The following FBXL13 variants were observed in gnomAD, a reference collection of about 807,000 sequenced individuals.
FBXL13 encodes F-box and leucine rich repeat protein 13, also known as F-box and leucine-rich repeat protein 13.
In FBXL13, 67 loss-of-function variants were observed where a neutral mutation model predicts 83.6. The observed-to-expected ratio is 0.80, with a 90% CI of 0.66 to 0.98. The LOEUF (loss-of-function observed/expected upper bound fraction) is 0.98. Ranked by LOEUF, FBXL13 falls within the 50% of genes least tolerant of loss-of-function variation. The pLI is 0.00. For missense variants in FBXL13, 822 were observed against 866.5 expected (o/e 0.95, Z 0.64); for synonymous variants, 272 against 299.5 (o/e 0.91, Z 0.95).
At chr7:103,066,753 A>G (rs1798430780) in intron 1 of FBXL13, among the ~76,000 whole-genome samples, 1 of 151,110 alleles carries the variant, frequency 6.6e-6, no homozygotes, top group Non-Finnish European at 1.5e-5. Flanking sequence ...TTGAAATGCA[A>G]TTGATTTTTT....
At chr7:102,890,902 A>G (rs1811457754) in intron 11 of FBXL13, among the ~76,000 whole-genome samples, 1 of 152,204 alleles carries the variant, frequency 6.6e-6, no homozygotes, top group Non-Finnish European at 1.5e-5. Context: ...TTCTCACAGC[A>G]CTGCATCCAA....
Position 102,952,811 on chromosome 7 carries a change from C to G in FBXL13, c.724+10722G>C, listed in dbSNP as rs1350283276. ...CCACCCTGGCCAACATGGCAAAACC[C>G]CGTCTCTACTCAAAATACAAAAATT... On this transcript the variant is annotated intron_variant, in intron 8 of 19. Transcript: ENST00000313221. Among the ~76,000 whole-genome samples the G allele has an allele frequency of 5.3e-5, 8 of 152,092 alleles. No individual in the cohort carries two copies. In the South Asian group the frequency reaches 1.7e-3, roughly 32 times the overall value.
intron 17 of FBXL13, among the ~76,000 whole-genome samples, chr7:102,849,282 C>T (rs1445725493): frequency 2.0e-5 from 3 of 152,150 alleles, no homozygotes; most frequent in African/African-American, 7.2e-5. Context: ...GTCTGTTGTT[C>T]TCAGAAAAGA....
chr7:103,055,044 A>C (rs893076096), intron 2 of FBXL13, 44 bp downstream of exon 3: 4 of 1,129,290 alleles, frequency 3.5e-6, no homozygotes, highest in Non-Finnish European at 4.7e-6. Flanking sequence ...ATTCCATCGA[A>C]GTTTAAAATA....
At chr7:103,062,361 T>C (rs1798007997) in intron 1 of FBXL13, among the ~76,000 whole-genome samples, 1 of 152,236 alleles carries the variant, frequency 6.6e-6, no homozygotes, top group Admixed American at 6.5e-5. Flanking sequence ...ACCCACTGTC[T>C]GAAGGTCTAC....
chr7:102,930,195 T>C (rs1334487001), intron 9 of FBXL13, among the ~76,000 whole-genome samples: 1 of 151,918 alleles, frequency 6.6e-6, no homozygotes, highest in Non-Finnish European at 1.5e-5. Context: ...GGCTGAGAGG[T>C]AGCAGGGAGG....
At chr7:102,967,434 AG>A (rs1826103179) in intron 7 of FBXL13, among the ~76,000 whole-genome samples, 1 of 152,054 alleles carries the variant, frequency 6.6e-6, no homozygotes, top group Non-Finnish European at 1.5e-5. Context: ...CACCATGCCT[AG>A]CTAATTTTTG....
At chr7:102,962,761 T>C (rs1825443707) in intron 8 of FBXL13, among the ~76,000 whole-genome samples, 1 of 145,566 alleles carries the variant, frequency 6.9e-6, no homozygotes. Flanking sequence ...ATATTCTCAC[T>C]CATAGGTGGG....
rs574984722 is a variant in FBXL13, at chr7:103,074,534, A to T, written c.-393T>A. On this transcript the variant is annotated 5_prime_UTR_variant, in exon 1 of 20. Coordinates refer to ENST00000313221, the Ensembl canonical transcript of FBXL13. Reference sequence around the variant, plus strand: ...TCAGCGTCTTCAGCCCTGATCGCCTACAAGTCCGAATTTGACTTCACTTTC... The same window carrying T: ...TCAGCGTCTTCAGCCCTGATCGCCTTCAAGTCCGAATTTGACTTCACTTTC... 7.4e-6 allele frequency: 9 copies of T among 1,208,566 alleles called. No individual in the cohort carries two copies. The African/African-American group carries it at 7.7e-5, about 10-fold the overall frequency. The allele number at this position is 1,208,566 out of a possible 1,614,324, so 74.9% of individuals were successfully genotyped here. A position where few individuals can be genotyped will look rare whatever the true frequency, so the allele number is the denominator to read the frequency against.
intron 15 of FBXL13, 109 bp downstream of exon 16, chr7:102,878,222 T>C: frequency 1.0e-6 from 1 of 964,932 alleles, no homozygotes; most frequent in Non-Finnish European, 1.4e-6. Flanking sequence ...TCTGGGCATC[T>C]CTGATGTTCC....
At chr7:102,995,674 C>G (rs1309683148) in intron 6 of FBXL13, among the ~76,000 whole-genome samples, 4 of 151,490 alleles carry the variant, frequency 2.6e-5, no homozygotes, top group Non-Finnish European at 5.9e-5. Flanking sequence ...GTAGTTCCAG[C>G]TACTTGGGAG....
At chr7:103,025,303 A>G in intron 5 of FBXL13, 73 bp from the exon 7 acceptor site, 3 of 883,184 alleles carry the variant, frequency 3.4e-6, no homozygotes, top group Non-Finnish European at 3.4e-6. Flanking sequence ...CACAAAGCAC[A>G]GTGCTTGACA....
At chr7:103,009,412 G>A (rs1025167604) in intron 6 of FBXL13, among the ~76,000 whole-genome samples, 1 of 152,192 alleles carries the variant, frequency 6.6e-6, no homozygotes, top group South Asian at 2.1e-4. Flanking sequence ...TGGAGCCAGG[G>A]GAACCACTAC....
rs1360238474 is a variant in FBXL13, at chr7:102,898,260, C to CAT, written c.1009-13950_1009-13949dup. 5.9e-5 allele frequency among the ~76,000 whole-genome samples: 9 copies of CAT among 152,104 alleles called. No individual in the cohort carries two copies. The East Asian group carries it at 1.3e-3, about 23-fold the overall frequency. ...ATCCATGTATATATAAATACACAAA[C>CAT]ATATATATATCAAACAAAAATGTCT... is the stretch of plus-strand genomic sequence containing the variant. On this transcript the variant is annotated intron_variant, in intron 11 of 19. Transcript: ENST00000313221.
chr7:102,839,982 G>A (rs1358807157), intron 17 of FBXL13, among the ~76,000 whole-genome samples: 1 of 152,068 alleles, frequency 6.6e-6, no homozygotes, highest in Non-Finnish European at 1.5e-5. Flanking sequence ...CTACCCAACA[G>A]CACACCTTTG....
intron 10 of FBXL13, among the ~76,000 whole-genome samples, chr7:102,926,063 T>C (rs1168724252): frequency 2.6e-5 from 4 of 152,002 alleles, no homozygotes; most frequent in East Asian, 1.9e-4. Flanking sequence ...ACTGGGCACA[T>C]TGCTGTAAGA....
chr7:102,877,982 C>A (rs1391989457), intron 15 of FBXL13, among the ~76,000 whole-genome samples: 1 of 152,052 alleles, frequency 6.6e-6, no homozygotes, highest in Non-Finnish European at 1.5e-5. Flanking sequence ...CAAGAATAAA[C>A]CAGCCAGAAC....
chr7:103,038,974 A>T (rs543939898), intron 2 of FBXL13, among the ~76,000 whole-genome samples: 1 of 152,330 alleles, frequency 6.6e-6, no homozygotes, highest in South Asian at 2.1e-4. Context: ...AATGAGTTTG[A>T]CAAGTTGACA....
At chr7:102,983,618 C>T (rs1278144901) in intron 6 of FBXL13, among the ~76,000 whole-genome samples, 3 of 151,896 alleles carry the variant, frequency 2.0e-5, no homozygotes, top group Admixed American at 1.3e-4. Context: ...CGGGGTTTCA[C>T]CATGTCGGCC....
Sources: gnomAD v4.1 joint callset for allele counts (sites outside exome capture counted in the v4.1 genomes callset) on GRCh38, gnomAD v4.1.1 for gene constraint, MANE v1.5 for transcripts, NCBI Gene and HGNC (gene_info 2026-07-23, HGNC 2026-07-21) for gene names.